Variants in LRCH3 observed in about 807,000 individuals in gnomAD.
LRCH3 encodes leucine rich repeats and calponin homology domain containing 3.
A neutral mutation model predicts 104.5 loss-of-function variants in LRCH3; 68 were observed. The observed-to-expected ratio is 0.65, with a 90% CI of 0.54 to 0.80. LRCH3 has a LOEUF of 0.80. Among genes scored for constraint, LRCH3 ranks in the 30% least tolerant of loss-of-function variants. The pLI is 0.00. For synonymous variants in LRCH3, 344 were observed against 361.3 expected (o/e 0.95, Z 0.54); for missense variants, 951 against 953.9 (o/e 1.00, Z 0.04).
intron 17 of LRCH3, among the ~76,000 whole-genome samples, chr3:197,869,304 AG>A (rs1711768449): frequency 6.6e-6 from 1 of 151,760 alleles, no homozygotes; most frequent in Non-Finnish European, 1.5e-5. Context: ...TGCAGGAGGT[AG>A]AAAGCCATGC....
intron 17 of LRCH3, among the ~76,000 whole-genome samples, chr3:197,868,837 A>G (rs1711663991): frequency 6.6e-6 from 1 of 152,206 alleles, no homozygotes; most frequent in African/African-American, 2.4e-5. Context: ...CACGTTGGGT[A>G]CTTATGGGCA....
In LRCH3 at chr3:197,859,018, A is replaced by T. The variant is rs1740590117; in HGVS notation, c.1716+113A>T. 3.8e-6 allele frequency: 3 copies of T among 794,164 alleles called. No individual in the cohort carries two copies. In the Admixed American group the frequency reaches 5.8e-5, roughly 15 times the overall value. 49.2% of individuals were successfully genotyped at this position (794,164 alleles called of 1,614,324 possible). A position where few individuals can be genotyped will look rare whatever the true frequency, so the allele number is the denominator to read the frequency against. ...CTGAAATATAGGATCGCATAAATAT[A>T]CCTGTTTATGGAACTATTTGTTTAA... On this transcript the variant is annotated intron_variant, in intron 15 of 20. Coordinates refer to ENST00000425562, the MANE Select transcript of LRCH3 (RefSeq NM_001365715.1).
intron 9 of LRCH3, among the ~76,000 whole-genome samples, chr3:197,838,199 T>TGCTTGAGCCCG (rs1737172206): frequency 6.6e-6 from 1 of 152,252 alleles, no homozygotes; most frequent in Non-Finnish European, 1.5e-5. Context: ...GTAGGAAGAC[T>TGCTTGAGCCCG]GCTTGAGCCC....
In LRCH3 at chr3:197,791,464, G is replaced by A. The variant is rs775815126; in HGVS notation, c.186G>A (p.Leu62=). The A allele has an allele frequency of 3.1e-6, 5 of 1,600,572 alleles. No individual in the cohort carries two copies. The highest frequency in any genetic ancestry group is 1.4e-5 in the African/African-American group (1 of 73,852). ...ALEEAAVTGV[L]SLSGRKLREF... is the part of the protein sequence containing the mutation. ...AGGAGGCGGCGGTCACTGGGGTGCTGAGCCTGAGCGGCCGGAAACTGAGGG... is the reference window on the plus strand; with the variant it reads ...AGGAGGCGGCGGTCACTGGGGTGCTAAGCCTGAGCGGCCGGAAACTGAGGG... Residue 62 remains leucine (L), a synonymous_variant, in exon 1 of 21, where the codon CTG becomes CTA. Coordinates refer to ENST00000425562, the MANE Select transcript of LRCH3 (RefSeq NM_001365715.1).
At chr3:197,871,551 A>G (rs1712195335) in intron 19 of LRCH3, 89 bp downstream of exon 19, 5 of 1,549,156 alleles carry the variant, frequency 3.2e-6, no homozygotes, top group African/African-American at 1.4e-5. Flanking sequence ...TGTGCTAGAT[A>G]TTAAGGATAC....
At chr3:197,882,251 T>G (rs964256437) in intron 20 of LRCH3, 1 of 985,278 alleles carries the variant, frequency 1.0e-6, no homozygotes, top group Admixed American at 6.2e-5. Context: ...GAATCAGCCT[T>G]GGAGAAAGCA....
intron 20 of LRCH3, among the ~76,000 whole-genome samples, chr3:197,879,590 G>A (rs976173655): frequency 6.6e-6 from 1 of 151,886 alleles, no homozygotes; most frequent in Non-Finnish European, 1.5e-5. Flanking sequence ...AGCTTGCAGT[G>A]AGCCGAGATC....
intron 3 of LRCH3, among the ~76,000 whole-genome samples, chr3:197,820,050 T>C (rs756553562): frequency 6.6e-6 from 1 of 152,190 alleles, no homozygotes; most frequent in Non-Finnish European, 1.5e-5. Context: ...TTGTTTTCTT[T>C]TAGTCATATT....
At chr3:197,831,341 G>A (rs1735908328) in intron 7 of LRCH3, 1 of 152,804 alleles carries the variant, frequency 6.5e-6, no homozygotes, top group South Asian at 2.1e-4. Context: ...AAAAATTACT[G>A]TGTCCACAGA....
rs1730491017 is a variant in LRCH3, at chr3:197,791,489, G to C, written c.211G>C (p.Glu71Gln). Residue 71 changes from glutamate to glutamine, a missense_variant, in exon 1 of 21, where the codon GAG becomes CAG. Transcript: ENST00000425562. ...VLSLSGRKLR[E>Q]FPRGAANHDL... ...GAGCCTGAGCGGCCGGAAACTGAGG[G>C]AGTTTCCCCGGGGAGCGGCCAACCA... The C allele has an allele frequency of 6.2e-7, 1 of 1,601,764 alleles. No individual in the cohort carries two copies. Among genetic ancestry groups the C allele is most frequent in the African/African-American group, 1.4e-5 (1 of 73,686 alleles).
Position 197,830,754 on chromosome 3 carries a change from A to T in LRCH3, c.888-16A>T, listed in dbSNP as rs372311860. 2.5e-6 allele frequency: 4 copies of T among 1,594,908 alleles called. No homozygotes were observed. In the Admixed American group the frequency reaches 6.8e-5, roughly 27 times the overall value. ...AAAATAACAAACTTTGCAGTAACAG[A>T]GTCTCTTTTCGGCAGCCATGAAGAA... On this transcript the variant is annotated splice_polypyrimidine_tract_variant and intron_variant, in intron 6 of 20. Coordinates refer to ENST00000425562, the MANE Select transcript of LRCH3 (RefSeq NM_001365715.1).
intron 1 of LRCH3, among the ~76,000 whole-genome samples, chr3:197,792,647 T>TAA (rs1215029073): frequency 8.5e-6 from 1 of 117,678 alleles, no homozygotes; most frequent in East Asian, 2.5e-4. Context: ...ATATTATATA[T>TAA]AAAATATATA....
In LRCH3 at chr3:197,839,304, T is replaced by C. The variant is rs774796743; in HGVS notation, c.1252-17T>C. 1.6e-5 allele frequency: 24 copies of C among 1,547,520 alleles called. No individual in the cohort carries two copies. The highest frequency in any genetic ancestry group is 2.1e-5 in the Non-Finnish European group (24 of 1,140,290). On this transcript the variant is annotated splice_polypyrimidine_tract_variant and intron_variant, in intron 9 of 20. Transcript: ENST00000425562. ...GATTAATATACTAAATTTATTTATT[T>C]CTGTCCTCTGGCCTAGGGTTCACCA...
Position 197,803,825 on chromosome 3 carries a change from G to C in LRCH3, c.263-11083G>C, listed in dbSNP as rs1368881988. On this transcript the variant is annotated intron_variant, in intron 1 of 20. Coordinates refer to ENST00000425562, the MANE Select transcript of LRCH3 (RefSeq NM_001365715.1). ...AATAAGAATCTGCATTTGCATTTCA[G>C]TTTAAGAAGCACTGCTGTAACGTTA... 1.3e-5 allele frequency among the ~76,000 whole-genome samples: 2 copies of C among 152,232 alleles called. 1 individual carries two copies. Among genetic ancestry groups the C allele is most frequent in the Non-Finnish European group, 2.9e-5 (2 of 68,042 alleles).
intron 18 of LRCH3, among the ~76,000 whole-genome samples, 185 bp from the exon 19 acceptor site, chr3:197,871,140 C>T (rs1359010188): frequency 6.6e-6 from 1 of 151,898 alleles, no homozygotes; most frequent in Non-Finnish European, 1.5e-5. Flanking sequence ...TACCACTATG[C>T]CCTGGCTGCC....
intron 9 of LRCH3, among the ~76,000 whole-genome samples, chr3:197,837,224 C>T (rs1736948262): frequency 6.6e-6 from 1 of 152,088 alleles, no homozygotes; most frequent in African/African-American, 2.4e-5. Flanking sequence ...ACATTATAAT[C>T]CTTAAAGGAA....
At position 197,847,612 on chromosome 3, in the gene LRCH3, T is replaced by C. The variant is rs1296713634; in HGVS notation, c.1380+152T>C. ...TATAACATATGTACGTGATACTTGC[T>C]AACAGTGTTTTTAGACACTAGATAG... On this transcript the variant is annotated intron_variant, in intron 11 of 20. Transcript: ENST00000425562. 4.3e-6 allele frequency: 3 copies of C among 705,368 alleles called. No individual in the cohort carries two copies. In the East Asian group the frequency reaches 8.5e-5, roughly 20 times the overall value. 43.7% of individuals were successfully genotyped at this position (705,368 alleles called of 1,614,324 possible).
chr3:197,815,087 T>G (rs1580612726), intron 2 of LRCH3, 35 bp downstream of exon 2: 1 of 1,290,148 alleles, frequency 7.8e-7, no homozygotes, highest in African/African-American at 1.5e-5. Context: ...AAATTTTTGG[T>G]TTTATGTGAT....
Position 197,839,448 on chromosome 3 carries a change from A to G in LRCH3, c.1328+51A>G, listed in dbSNP as rs746167427. The G allele has an allele frequency of 7.3e-6, 9 of 1,233,432 alleles. No homozygotes were observed. In the East Asian group the frequency reaches 1.9e-4, roughly 27 times the overall value. 76.4% of individuals were successfully genotyped at this position (1,233,432 alleles called of 1,614,324 possible). ...TTGTTTCTGTCTTAATCATGAGAGC[A>G]TAAAGTAATTTTGGTTTTATGCAGA... On this transcript the variant is annotated intron_variant, in intron 10 of 20. Transcript: ENST00000425562.
Sources: gnomAD v4.1 joint callset for allele counts (sites outside exome capture counted in the v4.1 genomes callset) on GRCh38, gnomAD v4.1.1 for gene constraint, MANE v1.5 for transcripts, NCBI Gene and HGNC (gene_info 2026-07-23, HGNC 2026-07-21) for gene names.